Variants in TAF6L observed in about 807,000 individuals in gnomAD.
TAF6L encodes TAF6-like RNA polymerase II p300/CBP-associated factor-associated factor 65 kDa subunit 6L.
TAF6L carries 34 observed loss-of-function variants against 57.3 expected under a neutral mutation model. The observed-to-expected ratio is 0.59, with a 90% CI of 0.45 to 0.79. The LOEUF (loss-of-function observed/expected upper bound fraction) is 0.79, where lower values mean the gene tolerates loss of function less well. Among genes scored for constraint, TAF6L ranks in the 30% least tolerant of loss-of-function variants. TAF6L has a pLI of 0.00. For synonymous variants in TAF6L, 417 were observed against 376.3 expected (o/e 1.11, Z -1.25); for missense variants, 782 against 853.2 (o/e 0.92, Z 1.04).
At chr11:62,784,138 C>T (rs2084252403) in intron 9 of TAF6L, among the ~76,000 whole-genome samples, 3 of 146,024 alleles carry the variant, frequency 2.1e-5, no homozygotes, top group African/African-American at 5.0e-5. Flanking sequence ...TACAGGCACG[C>T]ACCACCAGGG....
rs374689162 is a variant in TAF6L, at chr11:62,782,846, C to A, written c.960+21C>A. On this transcript the variant is annotated intron_variant, in intron 9 of 10. Coordinates refer to ENST00000294168, the MANE Select transcript of TAF6L (RefSeq NM_006473.4). The stretch of plus-strand genomic sequence containing the variant: ...GGAAGGTGAGCACCCTGGCCTTTCT[C>A]ACACAGCCGTAAGAACTCCCATTTG... 12 of 1,613,118 alleles carry A rather than the reference C, an allele frequency of 7.4e-6. No individual in the cohort carries two copies. The African/African-American group carries it at 1.6e-4, about 22-fold the overall frequency.
chr11:62,787,340 A>G lies in TAF6L; in HGVS notation c.*44A>G, dbSNP rs774649650. 1.3e-6 allele frequency: 2 copies of G among 1,525,614 alleles called. No homozygotes were observed. The highest frequency in any genetic ancestry group is 2.5e-5 in the South Asian group (2 of 81,562). The allele number at this position is 1,525,614 out of a possible 1,614,324, so 94.5% of individuals were successfully genotyped here. The stretch of plus-strand genomic sequence containing the variant: ...CCTTGTAAATAAATCCCGCCCCCGG[A>G]AATGACGTCTCCACCTTCGTGGGTC... On this transcript the variant is annotated 3_prime_UTR_variant, in exon 11 of 11. Coordinates refer to ENST00000294168, the MANE Select transcript of TAF6L (RefSeq NM_006473.4).
intron 1 of TAF6L, among the ~76,000 whole-genome samples, chr11:62,773,815 A>C (rs142282925): frequency 5.9e-5 from 9 of 152,330 alleles, no homozygotes; most frequent in African/African-American, 2.2e-4. Context: ...GACATCCCTG[A>C]GCAAGTGACA....
At chr11:62,781,014 T>C (rs1187587291) in intron 6 of TAF6L, among the ~76,000 whole-genome samples, 1 of 149,012 alleles carries the variant, frequency 6.7e-6, no homozygotes, top group South Asian at 2.1e-4. Flanking sequence ...GGCGGGTGGA[T>C]TGCTTGAGGC....
At chr11:62,779,019 G>GT (rs373542247) in intron 6 of TAF6L, 56 bp downstream of exon 6, 152,493 of 905,398 alleles carry the variant, frequency 0.17, 22 homozygotes, top group East Asian at 0.19. Context: ...TTCTAGACCT[G>GT]TTTTTTTTTT....
At chr11:62,785,784 C>T (rs190118920) in intron 9 of TAF6L, among the ~76,000 whole-genome samples, 240 of 151,926 alleles carry the variant, frequency 1.6e-3, no homozygotes, top group Non-Finnish European at 2.5e-3. Context: ...ATCCACTGGC[C>T]TCGGCCTCCC....
rs1444474263 is a variant in TAF6L at position 62,786,265 on chromosome 11, A to G, written c.966A>G (p.Val322=). The G allele has an allele frequency of 1.9e-6, 3 of 1,611,360 alleles. No homozygotes were observed. In the African/African-American group the frequency reaches 4.0e-5, roughly 22 times the overall value. The part of the protein sequence containing the change: ...VGLHALGWKA[V]ERVLYPHLST... ...ATTCCTTCTCTTCCTTCCAGGCAGT[A>G]GAACGAGTCCTGTACCCACACCTGT... Residue 322 remains valine, a synonymous_variant, in exon 10 of 11, where the codon GTA becomes GTG. Coordinates refer to ENST00000294168, the MANE Select transcript of TAF6L (RefSeq NM_006473.4).
chr11:62,771,430 GCCGCCA>G lies in TAF6L; in HGVS notation c.-68_-63del. 1 of 157,130 alleles carries G rather than the reference GCCGCCA, an allele frequency of 6.4e-6. No homozygotes were observed. Among genetic ancestry groups the G allele is most frequent in the African/African-American group, 2.4e-5 (1 of 41,482 alleles). 9.7% of individuals were successfully genotyped at this position (157,130 alleles called of 1,614,324 possible). A position where few individuals can be genotyped will look rare whatever the true frequency, so the allele number is the denominator to read the frequency against. On this transcript the variant is annotated 5_prime_UTR_variant, in exon 1 of 11. Coordinates refer to ENST00000294168, the MANE Select transcript of TAF6L (RefSeq NM_006473.4). The stretch of plus-strand genomic sequence containing the variant: ...GAGTGTGAGCTCGTGAGTGGGCGCC[GCCGCCA>G]CCGCCCCCGCCGCCGTCGTCTCGGT...
In TAF6L at chr11:62,781,886, C is replaced by G. The variant is rs780187358; in HGVS notation, c.532-8C>G. The G allele has an allele frequency of 6.2e-7, 1 of 1,614,008 alleles. No homozygotes were observed. The highest frequency in any genetic ancestry group is 1.1e-5 in the South Asian group (1 of 91,060). ...TGGATCCAATGCAGTCTGGGCCCTT[C>G]CTTTTAGGTTGCACTCCAGGACTTG... On this transcript the variant is annotated splice_polypyrimidine_tract_variant and splice_region_variant and intron_variant, in intron 6 of 10. Coordinates refer to ENST00000294168, the MANE Select transcript of TAF6L (RefSeq NM_006473.4).
chr11:62,779,200 T>G (rs1186417984), intron 6 of TAF6L, among the ~76,000 whole-genome samples: 2 of 151,758 alleles, frequency 1.3e-5, no homozygotes, highest in African/African-American at 4.8e-5. Flanking sequence ...TTGTTTTGTT[T>G]TGTTTTGTTT....
chr11:62,786,451 T>C (rs1255663457), intron 10 of TAF6L, 63 bp downstream of exon 10: 7 of 1,595,800 alleles, frequency 4.4e-6, no homozygotes, highest in Non-Finnish European at 6.0e-6. Flanking sequence ...GCAGGCTTAC[T>C]TTGGAATATT....
rs1397585577 is a variant in TAF6L at position 62,787,198 on chromosome 11, G to A, written c.1771G>A (p.Ala591Thr). The A allele has an allele frequency of 6.3e-7, 1 of 1,588,506 alleles. No homozygotes were observed. Among genetic ancestry groups the A allele is most frequent in the Non-Finnish European group, 8.5e-7 (1 of 1,176,028 alleles). Residue 591 changes from alanine to threonine, a missense_variant, in exon 11 of 11, where the codon GCC (alanine) becomes ACC (threonine). Coordinates refer to ENST00000294168, the MANE Select transcript of TAF6L (RefSeq NM_006473.4). The part of the protein sequence containing the change: ...AFPAPYGPSP[A>T]SRYVQKLPMI... The stretch of plus-strand genomic sequence containing the variant: ...CCCCGCGCCGTACGGGCCTAGCCCG[G>A]CCTCGCGCTACGTGCAGAAACTGCC...
At chr11:62,780,374 G>T (rs1047856617) in intron 6 of TAF6L, among the ~76,000 whole-genome samples, 2 of 149,914 alleles carry the variant, frequency 1.3e-5, no homozygotes, top group Non-Finnish European at 3.0e-5. Flanking sequence ...AGTCACGTGT[G>T]GTGGTGGACG....
rs777636663 is a variant in TAF6L, at chr11:62,786,474, G to A, written c.1090-43G>A. On this transcript the variant is annotated intron_variant, in intron 10 of 10. Transcript: ENST00000294168. The stretch of plus-strand genomic sequence containing the variant: ...ACTTTGGAATATTTGATGGGCCCAG[G>A]TTCCTCGAATTTTTTGCCTATCTTA... 12 of 1,584,128 alleles carry A rather than the reference G, an allele frequency of 7.6e-6. No homozygotes were observed. In the South Asian group the frequency reaches 1.2e-4, roughly 16 times the overall value.
chr11:62,786,976 G>A lies in TAF6L; in HGVS notation c.1549G>A (p.Ala517Thr), dbSNP rs780696325. The A allele has an allele frequency of 2.1e-6, 3 of 1,446,714 alleles. No homozygotes were observed. Among genetic ancestry groups the A allele is most frequent in the African/African-American group, 3.0e-5 (2 of 66,662 alleles). 89.6% of individuals were successfully genotyped at this position (1,446,714 alleles called of 1,614,324 possible). ...GGGPASASGP[A>T]ASESRPLPRV... ...CGGCCCCGCGTCGGCCTCTGGGCCCGCCGCCTCTGAGAGCAGGCCCTTGCC... is the reference window on the plus strand; with the variant it reads ...CGGCCCCGCGTCGGCCTCTGGGCCCACCGCCTCTGAGAGCAGGCCCTTGCC... The change falls in exon 11 of 11, where the codon GCC becomes ACC. Residue 517 changes from alanine (A) to threonine (T), a missense_variant. Transcript: ENST00000294168.
At chr11:62,778,449 C>T in intron 5 of TAF6L, 114 bp downstream of exon 5, 2 of 1,312,082 alleles carry the variant, frequency 1.5e-6, no homozygotes, top group Non-Finnish European at 2.2e-6. Context: ...CCATGCCTGC[C>T]TTGTGCCATG....
chr11:62,776,038 A>G (rs2084186032), intron 2 of TAF6L, 108 bp downstream of exon 2: 1 of 1,338,618 alleles, frequency 7.5e-7, no homozygotes, highest in Non-Finnish European at 1.0e-6. Flanking sequence ...CCTGCTCCAT[A>G]CAACAGAGAC....
intron 6 of TAF6L, among the ~76,000 whole-genome samples, chr11:62,779,750 C>T (rs1477156067): frequency 1.3e-5 from 2 of 151,496 alleles, no homozygotes; most frequent in South Asian, 2.1e-4. Context: ...ACTGCAGCCT[C>T]TACCTCTTGG....
Position 62,782,614 on chromosome 11 carries a change from A to G in TAF6L, c.828-79A>G, listed in dbSNP as rs1590936817. 7.0e-6 allele frequency: 11 copies of G among 1,567,688 alleles called. No homozygotes were observed. The East Asian group carries it at 9.0e-5, about 13-fold the overall frequency. ...CTCCCGAGTGTGCTGTACAGATGCT[A>G]TTCTCTTTGTGTTGTCTTGTGCCCT... On this transcript the variant is annotated intron_variant, in intron 8 of 10. Transcript: ENST00000294168.
Sources: allele counts gnomAD v4.1 joint callset (sites outside exome capture counted in the v4.1 genomes callset), GRCh38; gene constraint gnomAD v4.1.1; transcripts MANE v1.5; gene names NCBI Gene and HGNC (gene_info 2026-07-23, HGNC 2026-07-21).